Variants in EEF1AKMT1 observed in about 807,000 individuals in gnomAD.
EEF1AKMT1 encodes N-6 adenine-specific DNA methyltransferase 2 (putative).
EEF1AKMT1 carries 18 observed loss-of-function variants against 21.0 expected under a neutral mutation model. The ratio of observed to expected loss-of-function variants is 0.86; its 90% CI spans 0.59 to 1.27. EEF1AKMT1 has a LOEUF of 1.27. Ranked by LOEUF, EEF1AKMT1 falls within the 50% of genes most tolerant of loss-of-function variation. The pLI is 0.00. For missense variants in EEF1AKMT1, 246 were observed against 258.6 expected (o/e 0.95, Z 0.33); for synonymous variants, 109 against 94.8 (o/e 1.15, Z -0.87).
At position 20,732,034 on chromosome 13, in the gene EEF1AKMT1, G is replaced by A. The variant is rs757295308; in HGVS notation, c.315C>T (p.Asp105=). 6.2e-7 allele frequency: 1 copy of A among 1,614,168 alleles called. No individual in the cohort carries two copies. Among genetic ancestry groups the A allele is most frequent in the African/African-American group, 1.3e-5 (1 of 75,026 alleles). The change falls in exon 4 of 5, where the codon GAC becomes GAT. Residue 105 remains aspartate (D), a synonymous_variant. Transcript: ENST00000382758. Reference sequence around the variant, plus strand: ...CCTCTCCATACATGGCAAATCTTTTGTCATATTCAAAGATGTATATCGAAA... The same window carrying A: ...CCTCTCCATACATGGCAAATCTTTTATCATATTCAAAGATGTATATCGAAA... ...ENFSIYIFEY[D]KRFAMYGEEF...
intron 1 of EEF1AKMT1, among the ~76,000 whole-genome samples, chr13:20,763,711 C>T (rs2059012895): frequency 6.6e-6 from 1 of 152,100 alleles, no homozygotes; most frequent in Admixed American, 6.6e-5. Flanking sequence ...CCTAGGTCTC[C>T]CAAACTGCTG....
chr13:20,739,988 C>A (rs1437125802), intron 2 of EEF1AKMT1, among the ~76,000 whole-genome samples: 2 of 152,238 alleles, frequency 1.3e-5, no homozygotes, highest in African/African-American at 4.8e-5. Flanking sequence ...AGGGGCGGCA[C>A]CCGTCAGGGA....
At chr13:20,732,662 C>G (rs1017250688) in intron 3 of EEF1AKMT1, among the ~76,000 whole-genome samples, 3 of 152,038 alleles carry the variant, frequency 2.0e-5, no homozygotes. Flanking sequence ...GTATGAAAGG[C>G]TATAGTTTTT....
Position 20,757,497 on chromosome 13 carries a change from G to A in EEF1AKMT1, c.102C>T (p.Gly34=), listed in dbSNP as rs558722857. ...TTCCAATGTTATATTTATCATCCTC[G>A]CCTGGCTCAATTTGTTGCTTTTGCT... ...YAEQKQQIEP[G]EDDKYNIGII... is the part of the protein sequence containing the mutation. Residue 34 remains glycine (G), a synonymous_variant, in exon 2 of 5, where the codon GGC becomes GGT. Transcript: ENST00000382758. 2.4e-5 allele frequency: 38 copies of A among 1,613,830 alleles called. No individual in the cohort carries two copies. Among genetic ancestry groups the A allele is most frequent in the South Asian group, 1.3e-4 (12 of 91,062 alleles).
chr13:20,762,539 T>C (rs2059006464), intron 1 of EEF1AKMT1, among the ~76,000 whole-genome samples: 1 of 151,944 alleles, frequency 6.6e-6, no homozygotes, highest in Admixed American at 6.6e-5. Flanking sequence ...ATCCTACACT[T>C]GTCCCAGATT....
intron 2 of EEF1AKMT1, among the ~76,000 whole-genome samples, chr13:20,738,679 T>C (rs1018386859): frequency 6.6e-6 from 1 of 152,218 alleles, no homozygotes; most frequent in East Asian, 1.9e-4. Context: ...TGATATATGC[T>C]ACATGGATGA....
intron 1 of EEF1AKMT1, among the ~76,000 whole-genome samples, chr13:20,765,586 T>C (rs1184162629): frequency 6.6e-6 from 1 of 151,834 alleles, no homozygotes; most frequent in Non-Finnish European, 1.5e-5. Flanking sequence ...CTATTTTTTG[T>C]ATCTTTTAGT....
chr13:20,733,504 T>C (rs574453967), intron 3 of EEF1AKMT1, among the ~76,000 whole-genome samples: 1 of 152,222 alleles, frequency 6.6e-6, no homozygotes, highest in East Asian at 1.9e-4. Flanking sequence ...TGAGCCACTG[T>C]GCCCAGCTGG....
At chr13:20,738,269 C>T (rs1321071247) in intron 2 of EEF1AKMT1, among the ~76,000 whole-genome samples, 2 of 152,228 alleles carry the variant, frequency 1.3e-5, no homozygotes, top group African/African-American at 4.8e-5. Flanking sequence ...TGCCCACAGC[C>T]TCATCTTACC....
chr13:20,749,349 C>T (rs375511191), intron 2 of EEF1AKMT1, among the ~76,000 whole-genome samples: 55 of 152,290 alleles, frequency 3.6e-4, no homozygotes, highest in African/African-American at 1.3e-3. Flanking sequence ...TCCAGACTTG[C>T]AGCACAACCA....
At chr13:20,773,526 G>C (rs1350975719) in intron 1 of EEF1AKMT1, among the ~76,000 whole-genome samples, 1 of 152,230 alleles carries the variant, frequency 6.6e-6, no homozygotes, top group East Asian at 1.9e-4. Context: ...GCGAACTTCT[G>C]AGGGCAAAGA....
chr13:20,766,356 G>A (rs1656923275), intron 1 of EEF1AKMT1, among the ~76,000 whole-genome samples: 3 of 146,052 alleles, frequency 2.1e-5, no homozygotes, highest in Admixed American at 1.4e-4. Flanking sequence ...ACATGTAATA[G>A]AAAAAATTAA....
rs1332687948 is a variant in EEF1AKMT1, at chr13:20,732,115, T to C, written c.234A>G (p.Ala78=). ...GGTAAACACTAGGGGCACTCACACA[T>C]GCGATTCTAGGAGACAAAATGAACA... is the stretch of plus-strand genomic sequence containing the variant. ...IAAVGEGGRI[A]CVSAPSVYQK... Residue 78 remains alanine, a synonymous_variant, in exon 4 of 5, where the codon GCA becomes GCG. Coordinates refer to ENST00000382758, the MANE Select transcript of EEF1AKMT1 (RefSeq NM_001318939.2). The C allele has an allele frequency of 6.2e-7, 1 of 1,608,804 alleles. No individual in the cohort carries two copies. The highest frequency in any genetic ancestry group is 1.7e-5 in the Admixed American group (1 of 59,332).
At chr13:20,739,329 TGGAAGGCAACCCAAGAGGG>T (rs1566529763) in intron 2 of EEF1AKMT1, among the ~76,000 whole-genome samples, 1 of 152,184 alleles carries the variant, frequency 6.6e-6, no homozygotes, top group Non-Finnish European at 1.5e-5. Flanking sequence ...TTCCACAGCA[TGGAAGGCAACCCAAGAGGG>T]TTGCCGCCGC....
At chr13:20,738,948 C>T (rs1244140566) in intron 2 of EEF1AKMT1, among the ~76,000 whole-genome samples, 1 of 152,198 alleles carries the variant, frequency 6.6e-6, no homozygotes, top group Non-Finnish European at 1.5e-5. Context: ...GTCTCACTGA[C>T]TTCAAGAATG....
chr13:20,740,147 C>T (rs1181212498), intron 2 of EEF1AKMT1, among the ~76,000 whole-genome samples: 2 of 152,260 alleles, frequency 1.3e-5, no homozygotes, highest in Non-Finnish European at 2.9e-5. Flanking sequence ...GGATCCGGCG[C>T]ACCCTCTGCA....
chr13:20,742,160 A>C (rs2058875215), intron 2 of EEF1AKMT1, among the ~76,000 whole-genome samples: 1 of 152,220 alleles, frequency 6.6e-6, no homozygotes, highest in South Asian at 2.1e-4. Context: ...GCCCTCCAAA[A>C]AGGTTGGACC....
chr13:20,773,262 C>T (rs2059071094), intron 1 of EEF1AKMT1, among the ~76,000 whole-genome samples: 1 of 152,140 alleles, frequency 6.6e-6, no homozygotes, highest in South Asian at 2.1e-4. Flanking sequence ...GTAACCACAA[C>T]CCCTATAAGG....
At chr13:20,767,460 T>G (rs1030417743) in intron 1 of EEF1AKMT1, among the ~76,000 whole-genome samples, 1 of 152,112 alleles carries the variant, frequency 6.6e-6, no homozygotes, top group African/African-American at 2.4e-5. Flanking sequence ...ACTGTGGGTA[T>G]AGAATTTGAG....
Sources: allele counts gnomAD v4.1 joint callset (sites outside exome capture counted in the v4.1 genomes callset), GRCh38; gene constraint gnomAD v4.1.1; transcripts MANE v1.5; gene names NCBI Gene and HGNC (gene_info 2026-07-23, HGNC 2026-07-21).